The following WDR27 variants were observed in gnomAD, a reference collection of about 807,000 sequenced individuals.
The protein encoded by WDR27 is WD repeat domain 27, also known as WD repeat-containing protein 27.
WDR27 carries 100 observed loss-of-function variants against 114.4 expected under a neutral mutation model. The observed-to-expected ratio is 0.87, with a 90% CI of 0.74 to 1.03. The LOEUF (loss-of-function observed/expected upper bound fraction) is 1.03, where lower values mean the gene tolerates loss of function less well. Ranked by LOEUF, WDR27 falls within the 50% of genes least tolerant of loss-of-function variation. The pLI, the probability that WDR27 is intolerant of heterozygous loss-of-function variation, is 0.00. For synonymous variants in WDR27, 449 were observed against 423.1 expected, an observed-to-expected ratio of 1.06 and a Z score of -0.75; for missense variants, 1,129 against 1,092.9, an observed-to-expected ratio of 1.03 and a Z score of -0.47.
Position 169,457,470 on chromosome 6 carries a change from G to T in WDR27, c.*122C>A. The stretch of plus-strand genomic sequence containing the variant: ...TGCAAACGGGGGAAATCTGAGGCAA[G>T]TCTCAAAATATGAAAAACAGTTGCT... On this transcript the variant is annotated 3_prime_UTR_variant, in exon 26 of 26. Transcript: ENST00000448612. The T allele has an allele frequency of 2.5e-6, 2 of 802,672 alleles. No individual in the cohort carries two copies. Among genetic ancestry groups the T allele is most frequent in the Non-Finnish European group, 3.8e-6 (2 of 521,922 alleles). 49.7% of individuals were successfully genotyped at this position (802,672 alleles called of 1,614,324 possible).
chr6:169,635,405 A>C (rs968347300), intron 19 of WDR27, among the ~76,000 whole-genome samples: 2 of 152,174 alleles, frequency 1.3e-5, no homozygotes, highest in Non-Finnish European at 2.9e-5. Flanking sequence ...TTAGGACTGA[A>C]AGTCCCAGGC....
chr6:169,613,544 G>A lies in WDR27; in HGVS notation c.2321+15C>T, dbSNP rs550278170. ...GCTCCCCACCCCTGCAGTGCAGGGC[G>A]CAGGACAGCCTTACCTCAGGGTTCT... On this transcript the variant is annotated intron_variant, in intron 22 of 25. Coordinates refer to ENST00000448612, the MANE Select transcript of WDR27 (RefSeq NM_182552.5). 1.4e-5 allele frequency: 22 copies of A among 1,607,962 alleles called. No homozygotes were observed. Among genetic ancestry groups the A allele is most frequent in the East Asian group, 6.7e-5 (3 of 44,832 alleles).
the WDR27 span, chr6:169,426,810 A>AG: frequency 6.6e-6 from 1 of 152,648 alleles, no homozygotes; most frequent in Non-Finnish European, 1.5e-5. Context: ...CAGAGGTGTG[A>AG]GGGGCCACAC....
chr6:169,649,237 T>C lies in WDR27; in HGVS notation c.1520A>G (p.Glu507Gly). ...CCTGCTCCTTGAAGATCCTTTCCCC[T>C]CACTCTTGATGTTGGTCTTTGGTGA... is the stretch of plus-strand genomic sequence containing the variant. Reference protein sequence around the residue: ...MFSPKTNIKSEGKGSSRSRSS... With the variant: ...MFSPKTNIKSGGKGSSRSRSS... Residue 507 changes from glutamate to glycine, a missense_variant, in exon 15 of 26, where the codon GAG (glutamate) becomes GGG (glycine). Glu to Gly is a moderately conservative substitution (Grantham distance 98). Coordinates refer to ENST00000448612, the MANE Select transcript of WDR27 (RefSeq NM_182552.5). 6.3e-7 allele frequency: 1 copy of C among 1,578,642 alleles called. No homozygotes were observed.
Position 169,649,201 on chromosome 6 carries a change from G to T in WDR27, c.1556C>A (p.Ala519Glu), listed in dbSNP as rs139774032. 3.6e-5 allele frequency: 56 copies of T among 1,569,554 alleles called. No homozygotes were observed. The African/African-American group carries it at 7.0e-4, about 20-fold the overall frequency. ...KGSSRSRSSCAREAYPVECAV... is the reference protein window; with the variant it reads ...KGSSRSRSSCEREAYPVECAV... Reference sequence around the variant, plus strand: ...GAATGCACGCTACATCACACACCGTGCGCAGCTGCTCCTGCTCCTTGAAGA... The same window carrying T: ...GAATGCACGCTACATCACACACCGTTCGCAGCTGCTCCTGCTCCTTGAAGA... Residue 519 changes from alanine to glutamate, a missense_variant, in exon 15 of 26, where the codon GCA becomes GAA. Coordinates refer to ENST00000448612, the MANE Select transcript of WDR27 (RefSeq NM_182552.5).
chr6:169,662,478 G>A, intron 8 of WDR27, 54 bp from the exon 9 acceptor site: 1 of 1,596,600 alleles, frequency 6.3e-7, no homozygotes, highest in Non-Finnish European at 8.6e-7. Context: ...CATCCGTCAA[G>A]TTTAAAGGCT....
At chr6:169,563,530 G>C (rs1387943300) in intron 25 of WDR27, among the ~76,000 whole-genome samples, 1 of 152,166 alleles carries the variant, frequency 6.6e-6, no homozygotes, top group African/African-American at 2.4e-5. Flanking sequence ...TACCTTAAAA[G>C]AAAAGCTGTA....
intron 14 of WDR27, among the ~76,000 whole-genome samples, chr6:169,650,078 CATCT>C (rs1275948297): frequency 3.3e-5 from 5 of 149,362 alleles, no homozygotes; most frequent in African/African-American, 9.9e-5. Flanking sequence ...TCTACTCATC[CATCT>C]CTCATCTCTG....
rs771839867 is a variant in WDR27, at chr6:169,667,976, CCT to C, written c.660+4_660+5del. 3.7e-6 allele frequency: 6 copies of C among 1,611,042 alleles called. No individual in the cohort carries two copies. The African/African-American group carries it at 8.0e-5, about 22-fold the overall frequency. On this transcript the variant is annotated splice_donor_5th_base_variant and intron_variant, in intron 5 of 25. Transcript: ENST00000448612. ...GCGGGAACGCCATCCAGCGTCCATC[CCT>C]CACCTTAAAGCCTCTGTCCTCAGAC...
chr6:169,699,200 T>C (rs539226175), intron 1 of WDR27, among the ~76,000 whole-genome samples: 2 of 152,138 alleles, frequency 1.3e-5, no homozygotes, highest in South Asian at 4.2e-4. Context: ...GCAAGCGGAA[T>C]GGACACGAAA....
At chr6:169,467,594 G>T (rs1785765730) in intron 25 of WDR27, among the ~76,000 whole-genome samples, 1 of 152,188 alleles carries the variant, frequency 6.6e-6, no homozygotes, top group South Asian at 2.1e-4. Flanking sequence ...GCCCCTTTTA[G>T]CCACGGCTGT....
At chr6:169,687,835 T>G (rs1225428075) in intron 2 of WDR27, among the ~76,000 whole-genome samples, 1 of 152,128 alleles carries the variant, frequency 6.6e-6, no homozygotes, top group Non-Finnish European at 1.5e-5. Context: ...TGACCCACAT[T>G]GCGTTGAAAA....
intron 25 of WDR27, among the ~76,000 whole-genome samples, chr6:169,492,246 G>A (rs758821562): frequency 5.1e-4 from 77 of 151,352 alleles, no homozygotes; most frequent in South Asian, 3.3e-3. Context: ...GCAGATCATT[G>A]CTCGCCTAGA....
chr6:169,621,063 G>A (rs769150825), intron 21 of WDR27, among the ~76,000 whole-genome samples: 11 of 152,162 alleles, frequency 7.2e-5, no homozygotes, highest in African/African-American at 1.2e-4. Context: ...TTCATTCACA[G>A]AACACTGCCA....
chr6:169,653,496 C>A (rs965179871), intron 13 of WDR27, among the ~76,000 whole-genome samples: 12 of 152,152 alleles, frequency 7.9e-5, no homozygotes, highest in African/African-American at 2.9e-4. Context: ...TCAGTCTTTA[C>A]CACATAAACA....
intron 25 of WDR27, among the ~76,000 whole-genome samples, chr6:169,567,728 G>A (rs138766385): frequency 3.0e-4 from 46 of 152,246 alleles, no homozygotes; most frequent in African/African-American, 8.4e-4. Context: ...GCCCCACAGC[G>A]GATTCCTGTC....
chr6:169,651,268 C>A (rs116057482), intron 14 of WDR27, among the ~76,000 whole-genome samples: 1 of 149,740 alleles, frequency 6.7e-6, no homozygotes, highest in Non-Finnish European at 1.5e-5. Flanking sequence ...ACCAGGGAGA[C>A]AAGCGTGTGC....
intron 25 of WDR27, among the ~76,000 whole-genome samples, chr6:169,529,119 C>G (rs1480403747): frequency 6.6e-6 from 1 of 152,088 alleles, no homozygotes; most frequent in Non-Finnish European, 1.5e-5. Context: ...AATTATGGTG[C>G]ACCCACATAA....
At chr6:169,697,496 A>T (rs538862947) in intron 1 of WDR27, among the ~76,000 whole-genome samples, 4 of 152,288 alleles carry the variant, frequency 2.6e-5, no homozygotes, top group Admixed American at 1.3e-4. Flanking sequence ...AGGGCCCGAC[A>T]TCAGTCAGGC....
Sources: allele counts gnomAD v4.1 joint callset (sites outside exome capture counted in the v4.1 genomes callset), GRCh38; gene constraint gnomAD v4.1.1; transcripts MANE v1.5; gene names NCBI Gene and HGNC (gene_info 2026-07-23, HGNC 2026-07-21).